Variants in IGF1R observed in about 807,000 individuals in gnomAD.
IGF1R encodes the protein insulin like growth factor 1 receptor.
IGF1R carries 44 observed loss-of-function variants against 144.6 expected under a neutral mutation model. The observed-to-expected ratio is 0.30, with a 90% CI of 0.24 to 0.39. IGF1R has a LOEUF of 0.39. Among genes scored for constraint, IGF1R ranks in the 10% least tolerant of loss-of-function variants. The pLI, the probability that IGF1R is intolerant of heterozygous loss-of-function variation, is 1.00. For missense variants in IGF1R, 1,355 were observed against 1,833.7 expected (o/e 0.74, Z 4.77); for synonymous variants, 795 against 722.8 (o/e 1.10, Z -1.60).
intron 18 of IGF1R, among the ~76,000 whole-genome samples, 181 bp downstream of exon 18, chr15:98,939,541 A>G (rs368291035): frequency 7.2e-5 from 11 of 152,190 alleles, no homozygotes; most frequent in African/African-American, 2.4e-4. Context: ...GTCGGTCCCA[A>G]TGCTGATAGC....
intron 1 of IGF1R, chr15:98,651,176 C>T: frequency 1.8e-6 from 1 of 546,978 alleles, no homozygotes; most frequent in Non-Finnish European, 2.3e-6. Context: ...AAGGAGGAGG[C>T]AGCGGAGGTT....
chr15:98,916,939 T>C, intron 10 of IGF1R, 63 bp downstream of exon 10: 2 of 1,401,782 alleles, frequency 1.4e-6, no homozygotes, highest in Non-Finnish European at 1.0e-6. Flanking sequence ...TCTGTTGCCT[T>C]TCTCCCCACC....
rs45571741 is a variant in IGF1R, at chr15:98,822,628, G to T, written c.641-68697G>T. 1.5e-3 allele frequency among the ~76,000 whole-genome samples: 228 copies of T among 152,324 alleles called. 7 individuals carry two copies. In the South Asian group the frequency reaches 0.035, roughly 24 times the overall value. On this transcript the variant is annotated intron_variant, in intron 2 of 20. Coordinates refer to ENST00000650285, the MANE Select transcript of IGF1R (RefSeq NM_000875.5). ...TCATCCATTAATGCATTTCTCCTAT[G>T]AGGAAGCTTTTTCCTTTGAGCTGAA...
intron 1 of IGF1R, among the ~76,000 whole-genome samples, chr15:98,652,360 A>G (rs2052389675): frequency 6.6e-6 from 1 of 152,236 alleles, no homozygotes; most frequent in Non-Finnish European, 1.5e-5. Context: ...TGTCACAGAA[A>G]TGTAGGTATG....
intron 1 of IGF1R, among the ~76,000 whole-genome samples, chr15:98,662,630 A>G (rs1392581716): frequency 6.6e-6 from 1 of 152,160 alleles, no homozygotes; most frequent in Non-Finnish European, 1.5e-5. Context: ...GGTGGAGAGT[A>G]ACAGATGCTA....
intron 1 of IGF1R, among the ~76,000 whole-genome samples, chr15:98,665,227 A>G (rs2052706585): frequency 6.6e-6 from 1 of 152,180 alleles, no homozygotes; most frequent in South Asian, 2.1e-4. Context: ...CTGGGATTAA[A>G]GGCGTGAGCC....
chr15:98,812,764 T>C (rs1226396304), intron 2 of IGF1R, among the ~76,000 whole-genome samples: 1 of 152,212 alleles, frequency 6.6e-6, no homozygotes, highest in East Asian at 1.9e-4. Context: ...CCCCAACTTT[T>C]ATCTTGGAAT....
At chr15:98,743,043 G>A (rs943103171) in intron 2 of IGF1R, among the ~76,000 whole-genome samples, 18 of 152,124 alleles carry the variant, frequency 1.2e-4, no homozygotes, top group African/African-American at 3.9e-4. Flanking sequence ...GAAACAGTGT[G>A]TTGTGGTAAT....
intron 2 of IGF1R, among the ~76,000 whole-genome samples, chr15:98,842,087 G>A (rs1255507931): frequency 6.6e-6 from 1 of 152,204 alleles, no homozygotes; most frequent in South Asian, 2.1e-4. Flanking sequence ...CTTCCCTGAT[G>A]TAATAACGAA....
chr15:98,717,839 A>G (rs941892257), intron 2 of IGF1R, among the ~76,000 whole-genome samples: 1 of 152,188 alleles, frequency 6.6e-6, no homozygotes, highest in African/African-American at 2.4e-5. Flanking sequence ...TAAAGATTAC[A>G]AAGATGTGCA....
intron 2 of IGF1R, among the ~76,000 whole-genome samples, chr15:98,814,583 A>T (rs191144499): frequency 1.1e-4 from 16 of 152,308 alleles, no homozygotes; most frequent in Middle Eastern, 6.8e-3. Flanking sequence ...TCTGGCCTCA[A>T]GTGATCCTCC....
At chr15:98,847,290 T>A (rs1023244985) in intron 2 of IGF1R, among the ~76,000 whole-genome samples, 1 of 152,172 alleles carries the variant, frequency 6.6e-6, no homozygotes, top group Non-Finnish European at 1.5e-5. Context: ...GACAGTCCAC[T>A]CTTTACAGGG....
chr15:98,962,388 T>G lies in IGF1R; in HGVS notation c.*4946T>G, dbSNP rs1411281597. Reference sequence around the variant, plus strand: ...CTGGGCTAAGCAGCATTGGGAGATGTGGACCAGAGATCCACTCCTTAAGAA... The same window carrying G: ...CTGGGCTAAGCAGCATTGGGAGATGGGGACCAGAGATCCACTCCTTAAGAA... On this transcript the variant is annotated 3_prime_UTR_variant, in exon 21 of 21. Coordinates refer to ENST00000650285, the MANE Select transcript of IGF1R (RefSeq NM_000875.5). The G allele has an allele frequency of 4.3e-6, 1 of 233,586 alleles. No homozygotes were observed. The highest frequency in any genetic ancestry group is 8.5e-6 in the Non-Finnish European group (1 of 118,076). The allele number at this position is 233,586 out of a possible 1,614,324, so 14.5% of individuals were successfully genotyped here.
intron 1 of IGF1R, among the ~76,000 whole-genome samples, chr15:98,684,008 CA>C (rs1312548142): frequency 6.6e-6 from 1 of 152,168 alleles, no homozygotes; most frequent in Non-Finnish European, 1.5e-5. Context: ...TTGTCTTCTC[CA>C]GCTGGGCCTC....
chr15:98,831,857 G>A (rs2057007195), intron 2 of IGF1R, among the ~76,000 whole-genome samples: 1 of 152,126 alleles, frequency 6.6e-6, no homozygotes, highest in Admixed American at 6.5e-5. Flanking sequence ...GCATTCCTCA[G>A]TCTTGAGCTG....
At chr15:98,788,244 G>A (rs576968961) in intron 2 of IGF1R, among the ~76,000 whole-genome samples, 12 of 152,282 alleles carry the variant, frequency 7.9e-5, no homozygotes, top group African/African-American at 2.4e-4. Context: ...TTAGGAATCT[G>A]CTCACCAGCA....
intron 1 of IGF1R, among the ~76,000 whole-genome samples, chr15:98,650,178 G>C (rs1339682025): frequency 6.6e-6 from 1 of 152,122 alleles, no homozygotes; most frequent in Non-Finnish European, 1.5e-5. Context: ...GGCCCGCGGG[G>C]TGCGAGTTGC....
rs75018419 is a variant in IGF1R at position 98,808,462 on chromosome 15, T to A, written c.641-82863T>A. 8.7e-3 allele frequency among the ~76,000 whole-genome samples: 1,324 copies of A among 152,280 alleles called. 24 individuals carry two copies. The highest frequency in any genetic ancestry group is 0.03 in the African/African-American group (1,237 of 41,546). ...AGAATGATCATCAGCCCCTTGAGAT[T>A]ACTGTGTGTACCTGTGTCACCAGTG... On this transcript the variant is annotated intron_variant, in intron 2 of 20. Coordinates refer to ENST00000650285, the MANE Select transcript of IGF1R (RefSeq NM_000875.5).
rs573793299 is a variant in IGF1R at position 98,692,056 on chromosome 15, G to A, written c.95-15506G>A. ...GTTAAAAATATTTCTTTCTTTGGCC[G>A]GGCACAGAGTGGCTCATGCCTGTAA... On this transcript the variant is annotated intron_variant, in intron 1 of 20. Transcript: ENST00000650285. 3.4e-4 allele frequency among the ~76,000 whole-genome samples: 51 copies of A among 152,098 alleles called. 1 individual carries two copies. The highest frequency in any genetic ancestry group is 1.0e-3 in the African/African-American group (43 of 41,490).
Sources: gnomAD v4.1 joint callset for allele counts (sites outside exome capture counted in the v4.1 genomes callset) on GRCh38, gnomAD v4.1.1 for gene constraint, MANE v1.5 for transcripts, NCBI Gene and HGNC (gene_info 2026-07-23, HGNC 2026-07-21) for gene names.